The following PLXDC2 variants were observed in gnomAD, a reference collection of about 807,000 sequenced individuals.
PLXDC2 encodes the protein plexin domain containing 2, also known as plexin domain-containing protein 2.
PLXDC2 carries 40 observed loss-of-function variants against 68.9 expected under a neutral mutation model. That is an observed-to-expected ratio of 0.58 (90% CI 0.45 to 0.76). PLXDC2 has a LOEUF of 0.76. Ranked by LOEUF, PLXDC2 falls within the 30% of genes least tolerant of loss-of-function variation. PLXDC2 has a pLI of 0.00. For missense variants in PLXDC2, 644 were observed against 661.9 expected (o/e 0.97, Z 0.30); for synonymous variants, 243 against 234.2 (o/e 1.04, Z -0.34).
chr10:19,957,471 A>G (rs1220354866), intron 1 of PLXDC2, among the ~76,000 whole-genome samples: 3 of 152,214 alleles, frequency 2.0e-5, no homozygotes, highest in Non-Finnish European at 4.4e-5. Context: ...ATAGAATTTT[A>G]CAAAAATTAG....
chr10:20,146,326 C>CTTCTT (rs1305615116), intron 5 of PLXDC2, among the ~76,000 whole-genome samples: 1 of 151,320 alleles, frequency 6.6e-6, no homozygotes, highest in Admixed American at 6.6e-5. Context: ...TTTGTTTTCT[C>CTTCTT]TTCTTTTCTT....
chr10:19,910,839 T>C (rs905805574), intron 1 of PLXDC2, among the ~76,000 whole-genome samples: 1 of 151,856 alleles, frequency 6.6e-6, no homozygotes, highest in Non-Finnish European at 1.5e-5. Context: ...TGAAACCCTG[T>C]CTTCACTAAA....
chr10:19,936,443 C>A (rs575236585), intron 1 of PLXDC2, among the ~76,000 whole-genome samples: 1 of 152,274 alleles, frequency 6.6e-6, no homozygotes, highest in Admixed American at 6.5e-5. Flanking sequence ...TAGCACCAGA[C>A]CATAGCAAAA....
At chr10:20,218,526 C>T (rs1350383945) in intron 11 of PLXDC2, among the ~76,000 whole-genome samples, 1 of 151,962 alleles carries the variant, frequency 6.6e-6, no homozygotes, top group East Asian at 1.9e-4. Flanking sequence ...TAGAGTGAAA[C>T]ATAACCAGTA....
intron 1 of PLXDC2, among the ~76,000 whole-genome samples, chr10:19,918,949 G>A (rs1236368815): frequency 6.6e-6 from 1 of 152,188 alleles, no homozygotes; most frequent in Non-Finnish European, 1.5e-5. Flanking sequence ...CTGCATTCCT[G>A]CATCTGAGGA....
chr10:19,891,116 A>C (rs1325104570), intron 1 of PLXDC2, among the ~76,000 whole-genome samples: 1 of 152,160 alleles, frequency 6.6e-6, no homozygotes, highest in Admixed American at 6.6e-5. Flanking sequence ...TTCTCTGTCC[A>C]GCGCTCCCAC....
chr10:20,139,903 A>T (rs1833979287), intron 4 of PLXDC2, among the ~76,000 whole-genome samples: 1 of 152,204 alleles, frequency 6.6e-6, no homozygotes. Flanking sequence ...TACCTAATGT[A>T]GATGACGCAT....
chr10:20,184,516 T>A (rs1042223056), intron 9 of PLXDC2, among the ~76,000 whole-genome samples: 3 of 151,712 alleles, frequency 2.0e-5, no homozygotes, highest in African/African-American at 7.2e-5. Flanking sequence ...AATATGAAAA[T>A]GTATTATTGA....
rs567848070 is a variant in PLXDC2, at chr10:20,199,895, G to GA, written c.1062-11766dup. On this transcript the variant is annotated intron_variant, in intron 9 of 13. Transcript: ENST00000377252. ...TGAGAATGTTAGTCATCTATTTGGG[G>GA]AAAAAAAATATGTATTTTTAAATTT... 8.7e-3 allele frequency among the ~76,000 whole-genome samples: 1,318 copies of GA among 151,378 alleles called. 18 individuals carry two copies. The highest frequency in any genetic ancestry group is 0.029 in the African/African-American group (1,212 of 41,388).
At chr10:19,856,794 A>G (rs1749987415) in intron 1 of PLXDC2, among the ~76,000 whole-genome samples, 1 of 152,138 alleles carries the variant, frequency 6.6e-6, no homozygotes, top group Admixed American at 6.6e-5. Flanking sequence ...TTTATTTTCC[A>G]TTACTTCTTA....
At chr10:20,203,950 T>A (rs1258531669) in intron 9 of PLXDC2, among the ~76,000 whole-genome samples, 1 of 152,156 alleles carries the variant, frequency 6.6e-6, no homozygotes, top group African/African-American at 2.4e-5. Context: ...GAAAACACAC[T>A]CCACCTTCTT....
At chr10:19,945,364 G>T (rs1031198284) in intron 1 of PLXDC2, among the ~76,000 whole-genome samples, 3 of 152,156 alleles carry the variant, frequency 2.0e-5, no homozygotes, top group Non-Finnish European at 2.9e-5. Flanking sequence ...AAATCTTGAC[G>T]TGCTTGTAGC....
chr10:20,011,381 T>A (rs1327584789), intron 2 of PLXDC2, among the ~76,000 whole-genome samples: 1 of 152,080 alleles, frequency 6.6e-6, no homozygotes, highest in Admixed American at 6.5e-5. Context: ...GAAGGGGGAT[T>A]GTACAGGGAA....
At chr10:19,987,537 T>C (rs756340773) in intron 1 of PLXDC2, among the ~76,000 whole-genome samples, 11 of 148,746 alleles carry the variant, frequency 7.4e-5, no homozygotes, top group African/African-American at 2.7e-4. Flanking sequence ...ATTCTTTGAG[T>C]GTTGATGTTA....
intron 1 of PLXDC2, among the ~76,000 whole-genome samples, chr10:19,823,677 A>C (rs1309464672): frequency 6.6e-6 from 1 of 152,024 alleles, no homozygotes; most frequent in Non-Finnish European, 1.5e-5. Context: ...TCTCAAAAAA[A>C]AAAAAATTCT....
intron 3 of PLXDC2, among the ~76,000 whole-genome samples, chr10:20,047,526 A>G (rs1835817937): frequency 6.6e-6 from 1 of 152,166 alleles, no homozygotes; most frequent in Non-Finnish European, 1.5e-5. Context: ...AAATATAGAA[A>G]GCATCAGACT....
intron 1 of PLXDC2, among the ~76,000 whole-genome samples, chr10:19,889,902 G>A (rs1016895798): frequency 2.6e-5 from 4 of 152,162 alleles, no homozygotes; most frequent in Non-Finnish European, 4.4e-5. Context: ...ATACTACGGG[G>A]TTGTTGGTTT....
intron 4 of PLXDC2, among the ~76,000 whole-genome samples, chr10:20,092,906 TAAAG>T (rs1333961555): frequency 6.6e-6 from 1 of 152,016 alleles, no homozygotes; most frequent in Non-Finnish European, 1.5e-5. Context: ...GCAGAAGAGA[TAAAG>T]AACACATTCT....
intron 7 of PLXDC2, among the ~76,000 whole-genome samples, chr10:20,168,386 G>A (rs180908075): frequency 2.0e-5 from 3 of 152,102 alleles, no homozygotes; most frequent in South Asian, 2.1e-4. Flanking sequence ...TTCCATCATC[G>A]TTATCACTTT....
Sources: allele counts gnomAD v4.1 joint callset (sites outside exome capture counted in the v4.1 genomes callset), GRCh38; gene constraint gnomAD v4.1.1; transcripts MANE v1.5; gene names NCBI Gene and HGNC (gene_info 2026-07-23, HGNC 2026-07-21).